Variants in LAIR1 observed in about 807,000 individuals in gnomAD.
LAIR1 encodes leukocyte associated immunoglobulin like receptor 1, also known as leukocyte-associated immunoglobulin-like receptor 1.
Under a neutral mutation model 32.8 loss-of-function variants are expected in LAIR1, and 24 were observed. The observed-to-expected ratio is 0.73, with a 90% CI of 0.53 to 1.03. The LOEUF (loss-of-function observed/expected upper bound fraction) is 1.03. LAIR1 is among the 50% of genes least tolerant of loss of function. The pLI is 0.00. For missense variants in LAIR1, 355 were observed against 347.5 expected, an observed-to-expected ratio of 1.02 and a Z score of -0.17; for synonymous variants, 150 against 140.5, an observed-to-expected ratio of 1.07 and a Z score of -0.48.
rs1491527657 is a variant in LAIR1 at position 54,353,162 on chromosome 19, A to AAAAG, written c.*2105_*2106insCTTT. The AAAAG allele has an allele frequency of 6.6e-3, 30 of 4,532 alleles. 1 individual carries two copies. The highest frequency in any genetic ancestry group is 0.044 in the Non-Finnish European group (16 of 364). The allele number at this position is 4,532 out of a possible 1,614,324, so 0.3% of individuals were successfully genotyped here. A position where few individuals can be genotyped will look rare whatever the true frequency, so the allele number is the denominator to read the frequency against. On this transcript the variant is annotated 3_prime_UTR_variant, in exon 10 of 10. Coordinates refer to ENST00000391742, the MANE Select transcript of LAIR1 (RefSeq NM_002287.6). ...GGCAACAAGAGCGAAACTCCATCTC[A>AAAAG]AAAAAAAAAAAAAAGAGAGAGAGAG...
chr19:54,373,086 C>A (rs551898717), upstream of LAIR1, among the ~76,000 whole-genome samples: 84 of 150,550 alleles, frequency 5.6e-4, 2 homozygotes, highest in Middle Eastern at 0.017. Context: ...GAGCCGAAAT[C>A]GCACCACTGC....
Position 54,355,363 on chromosome 19 carries a change from A to C in LAIR1, c.769T>G (p.Trp257Gly). The C allele has an allele frequency of 6.2e-7, 1 of 1,613,012 alleles. No individual in the cohort carries two copies. Among genetic ancestry groups the C allele is most frequent in the East Asian group, 2.2e-5 (1 of 44,768 alleles). The change falls in exon 10 of 10, where the codon TGG (tryptophan) becomes GGG (glycine). Residue 257 changes from tryptophan to glycine, a missense_variant. By Grantham distance (184) the Trp-to-Gly change is radical (BLOSUM62 -2). Coordinates refer to ENST00000391742, the MANE Select transcript of LAIR1 (RefSeq NM_002287.6). The surrounding 1 kb of genome is among the most constrained non-coding windows in gnomAD (Gnocchi z 4.7). ...CGGGCTGTCCTCTGTGTGAGGGCCC[A>C]GTGGTCCAGCTGAGCATACGTCACC... The part of the protein sequence containing the change: ...QEVTYAQLDH[W>G]ALTQRTARAV...
In LAIR1 at chr19:54,355,230, T is replaced by C; in HGVS notation, c.*38A>G. On this transcript the variant is annotated 3_prime_UTR_variant, in exon 10 of 10. Transcript: ENST00000391742. This position sits in a 1 kb window ranked among gnomAD's most constrained non-coding sequence, Gnocchi z 4.7. ...TGCTTCAGGCTTTTCCTAGAGTGACTTTCTACCCTCAGGTGCAGAGGCCAG... is the reference window on the plus strand; with the variant it reads ...TGCTTCAGGCTTTTCCTAGAGTGACCTTCTACCCTCAGGTGCAGAGGCCAG... 1 of 1,519,626 alleles carries C rather than the reference T, an allele frequency of 6.6e-7. No homozygotes were observed. Among genetic ancestry groups the C allele is most frequent in the South Asian group, 1.3e-5 (1 of 79,312 alleles). 94.1% of individuals were successfully genotyped at this position (1,519,626 alleles called of 1,614,324 possible).
chr19:54,359,609 A>G (rs1312668650), intron 4 of LAIR1, among the ~76,000 whole-genome samples: 2 of 152,262 alleles, frequency 1.3e-5, no homozygotes, highest in East Asian at 3.9e-4. Context: ...CACGCCCACA[A>G]GGGGGCAGCG....
intron 4 of LAIR1, chr19:54,357,382 A>G (rs2081772549): frequency 6.1e-6 from 1 of 164,426 alleles, no homozygotes; most frequent in African/African-American, 2.4e-5. Context: ...CAACAAGAGG[A>G]AGGGAGACCT....
chr19:54,356,312 C>T lies in LAIR1; in HGVS notation c.626+44G>A, dbSNP rs778371146. ...TGAACCTCAGGGGCAGCCTGGCGGCCGAGGACTGGGTGGAGGTCCAGGAGT... is the reference window on the plus strand; with the variant it reads ...TGAACCTCAGGGGCAGCCTGGCGGCTGAGGACTGGGTGGAGGTCCAGGAGT... On this transcript the variant is annotated intron_variant, in intron 7 of 9. Coordinates refer to ENST00000391742, the MANE Select transcript of LAIR1 (RefSeq NM_002287.6). The T allele has an allele frequency of 2.2e-5, 36 of 1,606,264 alleles. 1 individual carries two copies. The highest frequency in any genetic ancestry group is 1.8e-4 in the East Asian group (8 of 44,868).
chr19:54,373,685 G>C (rs374656489), upstream of LAIR1, among the ~76,000 whole-genome samples: 2 of 152,118 alleles, frequency 1.3e-5, no homozygotes, highest in Non-Finnish European at 2.9e-5. Flanking sequence ...ATCCCAGCTC[G>C]AACCAGGGAG....
At chr19:54,356,179 C>A in intron 8 of LAIR1, 51 bp downstream of exon 8, 1 of 1,540,422 alleles carries the variant, frequency 6.5e-7, no homozygotes. Context: ...TGGATTGGCA[C>A]CAAGTCCCCA....
In LAIR1 at chr19:54,361,216, G is replaced by A. The variant is rs1306613172; in HGVS notation, c.71-7C>T. The A allele has an allele frequency of 6.2e-6, 10 of 1,613,674 alleles. No individual in the cohort carries two copies. Among genetic ancestry groups the A allele is most frequent in the Non-Finnish European group, 8.5e-6 (10 of 1,179,620 alleles). On this transcript the variant is annotated splice_region_variant and splice_polypyrimidine_tract_variant and intron_variant, in intron 2 of 9. Coordinates refer to ENST00000391742, the MANE Select transcript of LAIR1 (RefSeq NM_002287.6). ...GAGGGTCTGGGCAGATCTTCTAGGAGGGAAGCAGAGCAGGATCTCAGCGTC... is the reference window on the plus strand; with the variant it reads ...GAGGGTCTGGGCAGATCTTCTAGGAAGGAAGCAGAGCAGGATCTCAGCGTC...
chr19:54,374,717 G>T (rs193243564), upstream of LAIR1, among the ~76,000 whole-genome samples: 1 of 152,216 alleles, frequency 6.6e-6, no homozygotes, highest in African/African-American at 2.4e-5. Context: ...GGTTCCCAGA[G>T]CTCTTCAGGT....
Position 54,364,364 on chromosome 19 carries a change from G to C in LAIR1, c.35-34C>G, listed in dbSNP as rs112524526. The C allele has an allele frequency of 2.8e-3, 4,573 of 1,613,452 alleles. 76 individuals are homozygous for C. The African/African-American group carries it at 0.047, about 17-fold the overall frequency. On this transcript the variant is annotated intron_variant, in intron 1 of 9. Transcript: ENST00000391742. The surrounding 1 kb of genome is among the most constrained non-coding windows in gnomAD (Gnocchi z 4.8). ...GAAGCCCCAGTGAGAAAAATGCCCA[G>C]TGCCCAGTCTCCTTACGGGGCTGCT...
chr19:54,355,324 G>C lies in LAIR1; in HGVS notation c.808C>G (p.Gln270Glu). ...TQRTARAVSP[Q>E]STKPMAESIT... ...GACTCGGCCATGGGCTTTGTGGACT[G>C]TGGGGACACAGCCCGGGCTGTCCTC... is the stretch of plus-strand genomic sequence containing the variant. Residue 270 changes from glutamine (Q) to glutamate (E), a missense_variant, in exon 10 of 10, where the codon CAG (glutamine) becomes GAG (glutamate). Gln to Glu is a conservative substitution (Grantham distance 29). Coordinates refer to ENST00000391742, the MANE Select transcript of LAIR1 (RefSeq NM_002287.6). The surrounding 1 kb of genome is among the most constrained non-coding windows in gnomAD (Gnocchi z 4.7). The C allele has an allele frequency of 6.2e-7, 1 of 1,613,522 alleles. No individual in the cohort carries two copies. Among genetic ancestry groups the C allele is most frequent in the Non-Finnish European group, 8.5e-7 (1 of 1,179,678 alleles).
rs1269234966 is a variant in LAIR1, at chr19:54,355,644, T to C, written c.718-230A>G. ...GCTGAGCCAAAAGACATGGTGCTTC[T>C]GTCCCCTCCCTGCCACCCATCCTTG... On this transcript the variant is annotated intron_variant, in intron 9 of 9. Coordinates refer to ENST00000391742, the MANE Select transcript of LAIR1 (RefSeq NM_002287.6). This position sits in a 1 kb window ranked among gnomAD's most constrained non-coding sequence, Gnocchi z 4.7. Among the ~76,000 whole-genome samples the C allele has an allele frequency of 6.6e-6, 1 of 152,220 alleles. No individual in the cohort carries two copies. Among genetic ancestry groups the C allele is most frequent in the Non-Finnish European group, 1.5e-5 (1 of 68,028 alleles).
At chr19:54,375,333 G>A (rs145880459), upstream of LAIR1, among the ~76,000 whole-genome samples, 19 of 152,308 alleles carry the variant, frequency 1.2e-4, no homozygotes, top group Admixed American at 2.0e-4. Context: ...AAGGGGCACC[G>A]TGCTGCCTGC....
At chr19:54,363,551 G>A (rs2082121573) in intron 2 of LAIR1, among the ~76,000 whole-genome samples, 1 of 152,170 alleles carries the variant, frequency 6.6e-6, no homozygotes, top group South Asian at 2.1e-4. Flanking sequence ...GAACCTGAGT[G>A]CCCACCGCCA....
upstream of LAIR1, among the ~76,000 whole-genome samples, chr19:54,373,181 G>A (rs371464635): frequency 2.1e-4 from 31 of 150,880 alleles, no homozygotes; most frequent in East Asian, 3.1e-3. Flanking sequence ...GGTGGCTCAC[G>A]CCTGTAATCC....
chr19:54,365,992 G>A (rs952206095), upstream of LAIR1, among the ~76,000 whole-genome samples: 10 of 152,164 alleles, frequency 6.6e-5, no homozygotes, highest in African/African-American at 2.4e-4. Flanking sequence ...GACGAAACCT[G>A]AGGACATCAC....
exon 1 of LAIR1, chr19:54,370,555 A>G: frequency 2.7e-6 from 1 of 370,804 alleles, no homozygotes; most frequent in South Asian, 6.1e-5. Flanking sequence ...CTTCTGCTAT[A>G]CCAGGGTCAG....
chr19:54,375,382 G>A (rs35191242), upstream of LAIR1, among the ~76,000 whole-genome samples: 45,486 of 152,046 alleles, frequency 0.3, 7,407 homozygotes, highest in Middle Eastern at 0.45. Context: ...CTCAGGATGC[G>A]GTGCGCAGAG....
Sources: gnomAD v4.1 joint callset for allele counts (sites outside exome capture counted in the v4.1 genomes callset) on GRCh38, gnomAD v4.1.1 for gene constraint, Gnocchi (gnomAD v3.1) non-coding constraint, MANE v1.5 for transcripts, NCBI Gene and HGNC (gene_info 2026-07-23, HGNC 2026-07-21) for gene names.